PDS5B: variants seen among roughly 807,000 people sequenced by gnomAD.
The protein encoded by PDS5B is PDS5 cohesin associated factor B.
A neutral mutation model predicts 184.1 loss-of-function variants in PDS5B; 51 were observed. That is an observed-to-expected ratio of 0.28 (90% CI 0.22 to 0.35). PDS5B has a LOEUF of 0.35. Ranked by LOEUF, PDS5B falls within the 10% of genes least tolerant of loss-of-function variation. PDS5B has a pLI of 1.00. For synonymous variants in PDS5B, 566 were observed against 569.2 expected, an observed-to-expected ratio of 0.99 and a Z score of 0.08; for missense variants, 1,180 against 1,723.3, an observed-to-expected ratio of 0.68 and a Z score of 5.58.
chr13:32,748,191 A>T (rs769984352), intron 24 of PDS5B, among the ~76,000 whole-genome samples: 1 of 152,172 alleles, frequency 6.6e-6, no homozygotes, highest in African/African-American at 2.4e-5. Context: ...TTTAAATCAT[A>T]TGCTCATCTC....
At chr13:32,609,913 CAAAA>C (rs1022568708) in intron 1 of PDS5B, among the ~76,000 whole-genome samples, 2 of 145,830 alleles carry the variant, frequency 1.4e-5, no homozygotes, top group Non-Finnish European at 3.0e-5. Context: ...AAAAAAAAAA[CAAAA>C]AAATGAGAAC....
At chr13:32,665,897 A>G (rs1950782112) in intron 6 of PDS5B, among the ~76,000 whole-genome samples, 1 of 152,176 alleles carries the variant, frequency 6.6e-6, no homozygotes, top group African/African-American at 2.4e-5. Context: ...AAAGTGATAT[A>G]AAATGAGAAC....
At chr13:32,770,630 A>G (rs1310085181) in intron 32 of PDS5B, 24 bp from the exon 33 acceptor site, 1 of 1,601,466 alleles carries the variant, frequency 6.2e-7, no homozygotes, top group South Asian at 1.1e-5. Flanking sequence ...GATGCTATCC[A>G]CATTTGGGTC....
At chr13:32,635,341 C>CTT (rs576811097) in intron 1 of PDS5B, among the ~76,000 whole-genome samples, 3,593 of 103,776 alleles carry the variant, frequency 0.035, 127 homozygotes, top group Middle Eastern at 0.067. Context: ...CCTGGCCTGT[C>CTT]TTTTTTTTTT....
At chr13:32,755,253 A>G (rs988144913) in intron 25 of PDS5B, among the ~76,000 whole-genome samples, 3 of 152,200 alleles carry the variant, frequency 2.0e-5, no homozygotes, top group Non-Finnish European at 4.4e-5. Flanking sequence ...CCTCTTTAAC[A>G]GAATATGTTT....
chr13:32,688,933 G>A (rs905227546), intron 13 of PDS5B: 2 of 253,542 alleles, frequency 7.9e-6, no homozygotes, highest in Non-Finnish European at 1.6e-5. Flanking sequence ...CTCACTTGGT[G>A]TACTGATGTG....
At chr13:32,771,447 G>A (rs1448174990) in intron 33 of PDS5B, among the ~76,000 whole-genome samples, 1 of 152,074 alleles carries the variant, frequency 6.6e-6, no homozygotes. Context: ...TATGTGAGTG[G>A]AAATAGAGTA....
intron 1 of PDS5B, among the ~76,000 whole-genome samples, chr13:32,598,946 A>G (rs980202477): frequency 2.0e-5 from 3 of 151,518 alleles, no homozygotes; most frequent in African/African-American, 4.8e-5. Flanking sequence ...AATTTTTTGT[A>G]TTTTTAGTAG....
At chr13:32,616,731 A>G (rs956587285) in intron 1 of PDS5B, among the ~76,000 whole-genome samples, 4 of 152,152 alleles carry the variant, frequency 2.6e-5, no homozygotes, top group African/African-American at 9.7e-5. Context: ...TTAAAAAAAA[A>G]TTTGTTTAAG....
At chr13:32,772,370 A>G (rs1954818385) in intron 33 of PDS5B, among the ~76,000 whole-genome samples, 1 of 152,186 alleles carries the variant, frequency 6.6e-6, no homozygotes, top group Admixed American at 6.6e-5. Context: ...ACTTGTTTTC[A>G]TGGGCTCGTG....
Position 32,675,902 on chromosome 13 carries a change from C to T in PDS5B, c.905C>T (p.Ala302Val). Residue 302 changes from alanine to valine, a missense_variant, in exon 9 of 35, where the codon GCA becomes GTA. Ala to Val is a moderately conservative substitution (Grantham distance 64). Transcript: ENST00000315596. ...AAACTACTGGCAAAAATGTTTGGGG[C>T]AAAGGATTCAGAATTGGCTTCTCAA... is the stretch of plus-strand genomic sequence containing the variant. The part of the protein sequence containing the change: ...VVKLLAKMFG[A>V]KDSELASQNK... The T allele has an allele frequency of 1.2e-6, 2 of 1,613,724 alleles. No individual in the cohort carries two copies. The highest frequency in any genetic ancestry group is 1.7e-6 in the Non-Finnish European group (2 of 1,179,774).
intron 14 of PDS5B, 88 bp from the exon 15 acceptor site, chr13:32,696,766 G>A (rs1951718772): frequency 1.2e-6 from 1 of 839,546 alleles, no homozygotes; most frequent in African/African-American, 1.7e-5. Context: ...AGCATTTAGT[G>A]GGTTATGCTT....
intron 18 of PDS5B, among the ~76,000 whole-genome samples, chr13:32,709,464 G>C (rs1288389548): frequency 2.6e-5 from 4 of 151,814 alleles, no homozygotes; most frequent in Admixed American, 2.6e-4. Context: ...TACATTTTCT[G>C]TTTCATGATT....
intron 6 of PDS5B, among the ~76,000 whole-genome samples, chr13:32,663,661 T>C (rs1194329152): frequency 6.6e-6 from 1 of 152,226 alleles, no homozygotes. Flanking sequence ...GTAAAAATAC[T>C]GCTTCTGTTC....
intron 13 of PDS5B, chr13:32,690,247 G>A (rs1240087175): frequency 6.6e-6 from 1 of 152,210 alleles, no homozygotes; most frequent in Non-Finnish European, 1.5e-5. Context: ...GATTTCCTGA[G>A]TGTCCCTGGA....
At chr13:32,597,667 G>A (rs1332966627) in intron 1 of PDS5B, among the ~76,000 whole-genome samples, 2 of 151,866 alleles carry the variant, frequency 1.3e-5, no homozygotes, top group African/African-American at 4.8e-5. Context: ...CTAACATGGT[G>A]AAACCCTGTC....
At chr13:32,758,507 TG>T in intron 27 of PDS5B, 26 bp from the exon 28 acceptor site, 1 of 1,598,620 alleles carries the variant, frequency 6.3e-7, no homozygotes, top group South Asian at 1.1e-5. Flanking sequence ...CTTAAGTATC[TG>T]TGTTTTTAAA....
At chr13:32,655,378 T>A (rs868856796) in intron 3 of PDS5B, among the ~76,000 whole-genome samples, 2,501 of 64,710 alleles carry the variant, frequency 0.039, 83 homozygotes, top group East Asian at 0.14. Flanking sequence ...ATATATATTT[T>A]TTTTTTTTTT....
At chr13:32,587,031 C>T (rs1310579418) in intron 1 of PDS5B, among the ~76,000 whole-genome samples, 3 of 145,358 alleles carry the variant, frequency 2.1e-5, no homozygotes, top group East Asian at 4.1e-4. Context: ...TCCCCCCGCG[C>T]CCCGGCCGGC....
Sources: gnomAD v4.1 joint callset for allele counts (sites outside exome capture counted in the v4.1 genomes callset) on GRCh38, gnomAD v4.1.1 for gene constraint, MANE v1.5 for transcripts, NCBI Gene and HGNC (gene_info 2026-07-23, HGNC 2026-07-21) for gene names.